The following XYLT1 variants were observed in gnomAD, a reference collection of about 807,000 sequenced individuals.
XYLT1 encodes the protein xylosyltransferase 1, also known as beta-D-xylosyltransferase 1.
In XYLT1, 36 loss-of-function variants were observed where a neutral mutation model predicts 91.3. That is an observed-to-expected ratio of 0.39 (90% CI 0.30 to 0.52). The LOEUF (loss-of-function observed/expected upper bound fraction) is 0.52. Ranked by LOEUF, XYLT1 falls within the 20% of genes least tolerant of loss-of-function variation. The pLI is 0.68. For synonymous variants in XYLT1, 588 were observed against 532.0 expected (o/e 1.11, Z -1.45); for missense variants, 1,242 against 1,284.5 (o/e 0.97, Z 0.51).
chr16:17,298,935 T>C (rs965064471), intron 2 of XYLT1, among the ~76,000 whole-genome samples: 1 of 152,170 alleles, frequency 6.6e-6, no homozygotes, highest in Non-Finnish European at 1.5e-5. Flanking sequence ...CGTATCACTC[T>C]CTGGGCTATT....
At chr16:17,250,683 G>T (rs2033524369) in intron 3 of XYLT1, 1 of 152,214 alleles carries the variant, frequency 6.6e-6, no homozygotes, top group Non-Finnish European at 1.5e-5. Context: ...AGACCTTTGG[G>T]ACTAGTTTTG....
chr16:17,271,120 C>T (rs2141772296), intron 2 of XYLT1, among the ~76,000 whole-genome samples: 1 of 151,832 alleles, frequency 6.6e-6, no homozygotes, highest in South Asian at 2.1e-4. Context: ...CACAGAAGAG[C>T]TTTTCTATGG....
intron 1 of XYLT1, among the ~76,000 whole-genome samples, chr16:17,460,258 G>A (rs1387500499): frequency 6.6e-6 from 1 of 152,190 alleles, no homozygotes; most frequent in Non-Finnish European, 1.5e-5. Flanking sequence ...GGGAAACACA[G>A]AGTGAGGGGC....
In XYLT1 at chr16:17,198,002, G is replaced by A. The variant is rs553106020; in HGVS notation, c.1289+210C>T. The A allele has an allele frequency of 1.3e-5, 8 of 615,040 alleles. No individual in the cohort carries two copies. The Admixed American group carries it at 2.1e-4, about 16-fold the overall frequency. The allele number at this position is 615,040 out of a possible 1,614,324, so 38.1% of individuals were successfully genotyped here. On this transcript the variant is annotated intron_variant, in intron 5 of 11. Coordinates refer to ENST00000261381, the MANE Select transcript of XYLT1 (RefSeq NM_022166.4). ...GTGCACTGGCATATCAGCTAATAGA[G>A]CTGGGAAAACCACGTGCTCAGTCTC...
intron 2 of XYLT1, among the ~76,000 whole-genome samples, chr16:17,314,046 G>A (rs2034589708): frequency 6.6e-6 from 1 of 152,202 alleles, no homozygotes; most frequent in South Asian, 2.1e-4. Context: ...CCAGCCAAAA[G>A]AACATTAGAA....
At chr16:17,265,453 G>A (rs537399083) in intron 2 of XYLT1, among the ~76,000 whole-genome samples, 1 of 152,286 alleles carries the variant, frequency 6.6e-6, no homozygotes, top group Admixed American at 6.5e-5. Context: ...TTATGCTAAT[G>A]CAACCCTTTG....
chr16:17,196,856 G>C (rs2032435930), intron 5 of XYLT1, among the ~76,000 whole-genome samples: 1 of 151,716 alleles, frequency 6.6e-6, no homozygotes, highest in Non-Finnish European at 1.5e-5. Context: ...ATCACCTGGG[G>C]CCAGGAGTTT....
chr16:17,228,321 C>G (rs2033103362), intron 3 of XYLT1, among the ~76,000 whole-genome samples: 1 of 152,202 alleles, frequency 6.6e-6, no homozygotes, highest in African/African-American at 2.4e-5. Context: ...TCATAGTCAA[C>G]ACAGCATTCA....
intron 2 of XYLT1, among the ~76,000 whole-genome samples, chr16:17,303,176 C>T (rs1596473036): frequency 1.3e-5 from 2 of 152,298 alleles, no homozygotes; most frequent in Non-Finnish European, 1.5e-5. Flanking sequence ...AAAATAATGA[C>T]GTGGTTCCTG....
chr16:17,213,923 G>A (rs2032808891), intron 3 of XYLT1, among the ~76,000 whole-genome samples: 1 of 152,070 alleles, frequency 6.6e-6, no homozygotes, highest in South Asian at 2.1e-4. Flanking sequence ...AGCCATTTGA[G>A]CAACCTTTCA....
rs764325745 is a variant in XYLT1 at position 17,432,967 on chromosome 16, C to T, written c.363+37467G>A. ...GGTCAGAGCATCACTCGGGCAGAGA[C>T]GGGCAGTGCCCTCGAAGATGCCTCC... On this transcript the variant is annotated intron_variant, in intron 1 of 11. Coordinates refer to ENST00000261381, the MANE Select transcript of XYLT1 (RefSeq NM_022166.4). Among the ~76,000 whole-genome samples the T allele has an allele frequency of 4.6e-5, 7 of 152,312 alleles. No individual in the cohort carries two copies. In the South Asian group the frequency reaches 8.3e-4, roughly 18 times the overall value.
At chr16:17,192,576 T>C (rs2032338103) in intron 5 of XYLT1, among the ~76,000 whole-genome samples, 1 of 152,190 alleles carries the variant, frequency 6.6e-6, no homozygotes, top group Non-Finnish European at 1.5e-5. Flanking sequence ...GCCTCAGAGT[T>C]TGAAAGTATC....
chr16:17,328,811 G>C (rs1475056626), intron 2 of XYLT1, among the ~76,000 whole-genome samples: 1 of 152,090 alleles, frequency 6.6e-6, no homozygotes, highest in African/African-American at 2.4e-5. Flanking sequence ...TACTCTATTT[G>C]AGAAGGCAGG....
intron 2 of XYLT1, among the ~76,000 whole-genome samples, chr16:17,328,542 C>T (rs1326944749): frequency 1.4e-5 from 1 of 73,058 alleles, no homozygotes; most frequent in Non-Finnish European, 2.8e-5. Context: ...GAGCAAGACT[C>T]CTTCTCAAAA....
chr16:17,399,665 C>T (rs760089201), intron 1 of XYLT1, among the ~76,000 whole-genome samples: 26 of 152,144 alleles, frequency 1.7e-4, no homozygotes, highest in African/African-American at 4.3e-4. Context: ...TTTAAAGATA[C>T]GCCAATTCAG....
intron 4 of XYLT1, 120 bp from the exon 5 acceptor site, chr16:17,198,534 G>T: frequency 1.1e-6 from 1 of 933,276 alleles, no homozygotes; most frequent in Non-Finnish European, 1.6e-6. Flanking sequence ...GAGCACAGTG[G>T]CCTTTGCCAA....
chr16:17,409,262 C>G (rs1056274729), intron 1 of XYLT1, among the ~76,000 whole-genome samples: 4 of 152,048 alleles, frequency 2.6e-5, no homozygotes, highest in Non-Finnish European at 4.4e-5. Context: ...TGAGAGAGGC[C>G]GGCAGTTTGA....
At chr16:17,242,630 C>T (rs1035377867) in intron 3 of XYLT1, among the ~76,000 whole-genome samples, 1 of 152,182 alleles carries the variant, frequency 6.6e-6, no homozygotes. Flanking sequence ...TGGTAAAACA[C>T]ACAACATAAA....
chr16:17,255,683 G>A (rs2033619949), intron 3 of XYLT1, among the ~76,000 whole-genome samples: 1 of 152,114 alleles, frequency 6.6e-6, no homozygotes, highest in South Asian at 2.1e-4. Flanking sequence ...AGGCAGAAAG[G>A]AAGCTTTTCT....
Sources: allele counts gnomAD v4.1 joint callset (sites outside exome capture counted in the v4.1 genomes callset), GRCh38; gene constraint gnomAD v4.1.1; transcripts MANE v1.5; gene names NCBI Gene and HGNC (gene_info 2026-07-23, HGNC 2026-07-21).